The following ZC3H12B variants were observed in gnomAD, a reference collection of about 807,000 sequenced individuals.
ZC3H12B encodes zinc finger CCCH-type containing 12B.
In ZC3H12B, 7 loss-of-function variants were observed where a neutral mutation model predicts 43.9. The observed-to-expected ratio is 0.16, with a 90% confidence interval of 0.09 to 0.30. The LOEUF (loss-of-function observed/expected upper bound fraction) is 0.30, where lower values mean the gene tolerates loss of function less well. Among genes scored for constraint, ZC3H12B ranks in the 10% least tolerant of loss-of-function variants. The pLI is 1.00. For synonymous variants in ZC3H12B, 222 were observed against 241.7 expected (o/e 0.92, Z 0.76); for missense variants, 475 against 670.2 (o/e 0.71, Z 3.22).
At chrX:65,312,156 GTAAC>G in the ZC3H12B span, among the ~76,000 whole-genome samples, 1 of 111,713 alleles carries the variant, frequency 9.0e-6, no homozygotes, top group African/African-American at 3.3e-5. Flanking sequence ...AAAAAGAAAA[GTAAC>G]TAATAGCTGG....
chrX:65,146,395 G>A, the ZC3H12B span, among the ~76,000 whole-genome samples: 1 of 111,487 alleles, frequency 9.0e-6, no homozygotes, highest in Admixed American at 9.5e-5. Flanking sequence ...CTTACATTGG[G>A]CTTCACCTTT....
chrX:65,359,165 A>G, the ZC3H12B span, among the ~76,000 whole-genome samples: 2 of 111,446 alleles, frequency 1.8e-5, no homozygotes, highest in Non-Finnish European at 3.8e-5. Context: ...CAGAAAAAAA[A>G]AAATCCTTTC....
the ZC3H12B span, among the ~76,000 whole-genome samples, chrX:65,149,490 G>A: frequency 9.0e-6 from 1 of 110,999 alleles, no homozygotes; most frequent in African/African-American, 3.3e-5. Flanking sequence ...TATGTGCCGG[G>A]TGCAGTGGCT....
chrX:65,384,631 C>A (rs1027994320), intron 2 of ZC3H12B, among the ~76,000 whole-genome samples: 1 of 111,061 alleles, frequency 9.0e-6, no homozygotes, highest in Non-Finnish European at 1.9e-5. Context: ...TAATTCTTTG[C>A]TTATCATTGA....
At chrX:65,170,932 C>T in the ZC3H12B span, among the ~76,000 whole-genome samples, 5 of 111,604 alleles carry the variant, frequency 4.5e-5, no homozygotes, top group South Asian at 3.7e-4. Flanking sequence ...GTTAGCCATT[C>T]GTCTAATATT....
At chrX:65,250,634 T>C in the ZC3H12B span, among the ~76,000 whole-genome samples, 1 of 111,889 alleles carries the variant, frequency 8.9e-6, no homozygotes, top group South Asian at 3.7e-4. Flanking sequence ...CCATTCTAAC[T>C]GGCATGAGAT....
the ZC3H12B span, among the ~76,000 whole-genome samples, chrX:65,113,182 G>T: frequency 9.0e-6 from 1 of 111,708 alleles, no homozygotes; most frequent in Admixed American, 9.5e-5. Flanking sequence ...AGATGTGACA[G>T]AATTGCTGCA....
At chrX:65,373,449 T>C (rs1401036556) in intron 2 of ZC3H12B, among the ~76,000 whole-genome samples, 5 of 111,243 alleles carry the variant, frequency 4.5e-5, no homozygotes, top group African/African-American at 9.8e-5. Flanking sequence ...CACGTATGTT[T>C]ATTGCAGCAC....
At chrX:65,430,611 G>A (rs758982615) in intron 3 of ZC3H12B, among the ~76,000 whole-genome samples, 1 of 105,284 alleles carries the variant, frequency 9.5e-6, no homozygotes, top group East Asian at 3.1e-4. Flanking sequence ...TTTTGTCCCT[G>A]CAATAGTTTG....
chrX:65,359,795 C>T, the ZC3H12B span, among the ~76,000 whole-genome samples: 2 of 111,928 alleles, frequency 1.8e-5, no homozygotes, highest in African/African-American at 6.5e-5. Flanking sequence ...GATAAAGTGG[C>T]GGTGGGGTTT....
At chrX:65,095,902 C>G in the ZC3H12B span, among the ~76,000 whole-genome samples, 1 of 110,651 alleles carries the variant, frequency 9.0e-6, no homozygotes, top group Non-Finnish European at 1.9e-5. Context: ...CTTCCCCTTC[C>G]CCTACAACTT....
At chrX:65,178,567 G>C in the ZC3H12B span, among the ~76,000 whole-genome samples, 23 of 111,870 alleles carry the variant, frequency 2.1e-4, no homozygotes, top group African/African-American at 7.5e-4. Context: ...AAATTTAGAA[G>C]AAAAAAACAA....
chrX:65,348,372 A>G, the ZC3H12B span, among the ~76,000 whole-genome samples: 3 of 111,642 alleles, frequency 2.7e-5, no homozygotes, highest in Non-Finnish European at 5.6e-5. Flanking sequence ...AGCACTAAAC[A>G]TGGAAAGGAA....
intron 2 of ZC3H12B, among the ~76,000 whole-genome samples, chrX:65,383,918 G>C (rs1346513337): frequency 1.0e-5 from 1 of 99,147 alleles, no homozygotes; most frequent in East Asian, 3.2e-4. Context: ...TACACTGTTG[G>C]TGGGACTGTA....
At position 65,466,915 on chromosome X, in the gene ZC3H12B, AATATATATATATATATATATAT is replaced by A. The variant is rs58150008; in HGVS notation, n.408-21702_408-21681del. On this transcript the variant is annotated intron_variant and non_coding_transcript_variant, in intron 3 of 5. Coordinates refer to the ZC3H12B transcript ENST00000617377. ...ATATGTAACTATATATATAAAACCA[AATATATATATATATATATATAT>A]ATATATATATATATATATATATATA... 7.4e-3 allele frequency among the ~76,000 whole-genome samples: 177 copies of A among 23,940 alleles called. 3 individuals carry two copies. The highest frequency in any genetic ancestry group is 0.03 in the East Asian group (21 of 699). The allele number at this position is 23,940 out of a possible 115,157, so 20.8% of individuals were successfully genotyped here. A position where few individuals can be genotyped will look rare whatever the true frequency, so the allele number is the denominator to read the frequency against.
chrX:65,261,054 T>A, the ZC3H12B span, among the ~76,000 whole-genome samples: 1 of 112,013 alleles, frequency 8.9e-6, no homozygotes, highest in South Asian at 3.6e-4. Context: ...TGATTTTAAG[T>A]GCTTAAAATA....
intron 3 of ZC3H12B, among the ~76,000 whole-genome samples, chrX:65,426,544 T>C (rs1288497421): frequency 9.0e-6 from 1 of 110,892 alleles, no homozygotes; most frequent in Non-Finnish European, 1.9e-5. Flanking sequence ...GGTTCTCTAG[T>C]TCTTTTAATT....
chrX:65,056,323 A>C, the ZC3H12B span, among the ~76,000 whole-genome samples: 1 of 111,331 alleles, frequency 9.0e-6, no homozygotes, highest in Non-Finnish European at 1.9e-5. Flanking sequence ...GAACATCTTT[A>C]TTTCTGCCTT....
At chrX:65,458,170 A>C (rs2067664197) in intron 3 of ZC3H12B, among the ~76,000 whole-genome samples, 1 of 108,112 alleles carries the variant, frequency 9.2e-6, no homozygotes, top group Non-Finnish European at 1.9e-5. Flanking sequence ...TATCCTAAAT[A>C]TATATGCACC....
Sources: gnomAD v4.1 joint callset for allele counts (sites outside exome capture counted in the v4.1 genomes callset) on GRCh38, gnomAD v4.1.1 for gene constraint, MANE v1.5 for transcripts, NCBI Gene and HGNC (gene_info 2026-07-23, HGNC 2026-07-21) for gene names.